SUGCT: variants seen among roughly 807,000 people sequenced by gnomAD.
The protein encoded by SUGCT is succinyl-CoA:glutarate-CoA transferase.
A neutral mutation model predicts 55.0 loss-of-function variants in SUGCT; 41 were observed. The observed-to-expected ratio is 0.74, with a 90% CI of 0.58 to 0.97. The LOEUF is 0.97. Among genes scored for constraint, SUGCT ranks in the 50% least tolerant of loss-of-function variants. The probability of loss-of-function intolerance (pLI) is 0.00; values close to 1 mark genes in which losing one functional copy is unlikely to be tolerated. For synonymous variants in SUGCT, 187 were observed against 200.4 expected (o/e 0.93, Z 0.56); for missense variants, 568 against 547.8 (o/e 1.04, Z -0.37).
chr7:40,496,621 A>G (rs1248668868), intron 12 of SUGCT, among the ~76,000 whole-genome samples: 1 of 152,168 alleles, frequency 6.6e-6, no homozygotes, highest in Non-Finnish European at 1.5e-5. Context: ...CACTACATGA[A>G]GTTTCTGTGG....
intron 12 of SUGCT, among the ~76,000 whole-genome samples, chr7:40,532,054 A>G (rs1435612074): frequency 6.6e-6 from 1 of 152,172 alleles, no homozygotes; most frequent in Non-Finnish European, 1.5e-5. Flanking sequence ...CTGGGTAACC[A>G]TTTGTTCAGA....
chr7:40,509,158 A>T (rs1407641709), intron 12 of SUGCT, among the ~76,000 whole-genome samples: 1 of 152,196 alleles, frequency 6.6e-6, no homozygotes, highest in Non-Finnish European at 1.5e-5. Flanking sequence ...GCATAAGTAG[A>T]TTGCCAGAAA....
intron 12 of SUGCT, among the ~76,000 whole-genome samples, chr7:40,702,351 C>G (rs1216654592): frequency 6.6e-6 from 1 of 152,224 alleles, no homozygotes; most frequent in Admixed American, 6.5e-5. Flanking sequence ...AAACTTGGCA[C>G]TGTTCCAGGT....
At chr7:40,185,579 A>G (rs1562560801) in intron 3 of SUGCT, among the ~76,000 whole-genome samples, 1 of 152,010 alleles carries the variant, frequency 6.6e-6, no homozygotes, top group African/African-American at 2.4e-5. Flanking sequence ...CTGGAGTGCA[A>G]TGGCACGATC....
chr7:40,171,357 A>G (rs1784661119), intron 1 of SUGCT, among the ~76,000 whole-genome samples: 1 of 152,206 alleles, frequency 6.6e-6, no homozygotes, highest in Non-Finnish European at 1.5e-5. Context: ...CGCTTTTACA[A>G]GTGTTTCCCT....
chr7:40,450,424 T>C (rs1011597794), intron 10 of SUGCT, among the ~76,000 whole-genome samples: 3 of 151,908 alleles, frequency 2.0e-5, no homozygotes, highest in African/African-American at 4.8e-5. Context: ...TTTTTTTTTT[T>C]TGAGAGACAA....
At chr7:40,433,707 T>C (rs1023714277) in intron 9 of SUGCT, among the ~76,000 whole-genome samples, 1 of 152,154 alleles carries the variant, frequency 6.6e-6, no homozygotes, top group African/African-American at 2.4e-5. Flanking sequence ...CTTTAAGGTG[T>C]TTGGGGTGGA....
intron 6 of SUGCT, among the ~76,000 whole-genome samples, chr7:40,234,850 G>A (rs944620125): frequency 1.3e-5 from 2 of 151,938 alleles, no homozygotes; most frequent in Non-Finnish European, 2.9e-5. Context: ...TCGAGGTTGC[G>A]GTGAGCCCCG....
At chr7:40,179,672 T>C (rs1245118869) in intron 1 of SUGCT, among the ~76,000 whole-genome samples, 1 of 152,250 alleles carries the variant, frequency 6.6e-6, no homozygotes, top group African/African-American at 2.4e-5. Flanking sequence ...TGTTCCAAGA[T>C]GGCTTCATCC....
intron 9 of SUGCT, among the ~76,000 whole-genome samples, chr7:40,433,768 G>A (rs1057253118): frequency 1.3e-4 from 20 of 152,122 alleles, no homozygotes; most frequent in Middle Eastern, 3.2e-3. Context: ...TATAGTATTT[G>A]GGGAGGCATG....
intron 12 of SUGCT, among the ~76,000 whole-genome samples, chr7:40,521,482 C>G (rs992557760): frequency 2.0e-5 from 3 of 152,046 alleles, no homozygotes; most frequent in African/African-American, 7.2e-5. Flanking sequence ...AGGATTCAGA[C>G]ACTTCAAGAA....
chr7:40,173,133 G>T (rs1784755532), intron 1 of SUGCT, among the ~76,000 whole-genome samples: 2 of 152,140 alleles, frequency 1.3e-5, no homozygotes, highest in South Asian at 4.1e-4. Flanking sequence ...GGAACCTAGG[G>T]CCATGCAGTG....
chr7:40,769,507 G>T (rs1361253040), intron 13 of SUGCT, among the ~76,000 whole-genome samples: 3 of 152,210 alleles, frequency 2.0e-5, no homozygotes, highest in African/African-American at 7.2e-5. Context: ...GTCAGAATCA[G>T]AGGAGAATAT....
chr7:40,981,841 G>A, the SUGCT span, among the ~76,000 whole-genome samples: 1 of 152,170 alleles, frequency 6.6e-6, no homozygotes, highest in African/African-American at 2.4e-5. Flanking sequence ...ACCAGAATCT[G>A]TGTTAATGTC....
chr7:40,962,795 C>A, the SUGCT span, among the ~76,000 whole-genome samples: 2 of 152,110 alleles, frequency 1.3e-5, no homozygotes, highest in Non-Finnish European at 2.9e-5. Context: ...AGGAACACAG[C>A]TGAGTTCAAT....
At chr7:40,458,843 G>C (rs1237791305) in intron 10 of SUGCT, among the ~76,000 whole-genome samples, 1 of 152,052 alleles carries the variant, frequency 6.6e-6, no homozygotes, top group African/African-American at 2.4e-5. Flanking sequence ...TAAGACTTAT[G>C]GGCATCTTTT....
the SUGCT span, among the ~76,000 whole-genome samples, chr7:40,943,273 T>TATC: frequency 6.6e-6 from 1 of 151,072 alleles, no homozygotes; most frequent in Non-Finnish European, 1.5e-5. Flanking sequence ...TTTATTTTAT[T>TATC]ATTATTATTA....
intron 13 of SUGCT, among the ~76,000 whole-genome samples, chr7:40,791,570 T>A (rs978115815): frequency 6.6e-6 from 1 of 152,154 alleles, no homozygotes; most frequent in African/African-American, 2.4e-5. Context: ...ATTAGAATTT[T>A]AGGAGAAAGA....
chr7:40,420,332 T>TTTTTTG (rs893056541), intron 9 of SUGCT, among the ~76,000 whole-genome samples: 7 of 151,990 alleles, frequency 4.6e-5, no homozygotes, highest in African/African-American at 1.7e-4. Context: ...GTTTTTTTTG[T>TTTTTTG]TTTTTGTTTT....
Sources: gnomAD v4.1 joint callset for allele counts (sites outside exome capture counted in the v4.1 genomes callset) on GRCh38, gnomAD v4.1.1 for gene constraint, MANE v1.5 for transcripts, NCBI Gene and HGNC (gene_info 2026-07-23, HGNC 2026-07-21) for gene names.